Variants in ANKRD30BL observed in about 807,000 individuals in gnomAD.
ANKRD30BL encodes putative ankyrin repeat domain-containing protein 30B-like.
Under a neutral mutation model 18.4 loss-of-function variants are expected in ANKRD30BL, and 20 were observed. That is an observed-to-expected ratio of 1.09 (90% CI 0.77 to 1.58). The LOEUF (loss-of-function observed/expected upper bound fraction) is 1.58, where lower values mean the gene tolerates loss of function less well. Ranked by LOEUF, ANKRD30BL falls within the 40% of genes most tolerant of loss-of-function variation. ANKRD30BL has a pLI of 0.00. For missense variants in ANKRD30BL, 224 were observed against 268.6 expected (o/e 0.83, Z 1.16); for synonymous variants, 72 against 100.9 (o/e 0.71, Z 1.72).
Position 132,198,256 on chromosome 2 carries a change from CTTCTTTCTTTCT to C in ANKRD30BL, n.442-41122_442-41111del, listed in dbSNP as rs542446271. 3.1e-3 allele frequency among the ~76,000 whole-genome samples: 422 copies of C among 136,954 alleles called. 3 individuals are homozygous for C. The highest frequency in any genetic ancestry group is 0.012 in the African/African-American group (397 of 32,114). 89.8% of individuals were successfully genotyped at this position (136,954 alleles called of 152,430 possible). ...TTTTCTCTTTCATAATTTACTATAC[CTTCTTTCTTTCT>C]TTTCTTTCTTTCTTTCTTTCTTTCT... On this transcript the variant is annotated intron_variant and non_coding_transcript_variant, in intron 1 of 4. Transcript: ENST00000470729.
At chr2:132,176,209 C>T (rs1295827785) in intron 1 of ANKRD30BL, among the ~76,000 whole-genome samples, 1 of 151,806 alleles carries the variant, frequency 6.6e-6, no homozygotes, top group African/African-American at 2.4e-5. Context: ...GCCTGGCCAA[C>T]ATGGTGAAAC....
At chr2:132,169,822 A>G (rs1453633544) in intron 1 of ANKRD30BL, among the ~76,000 whole-genome samples, 1 of 152,022 alleles carries the variant, frequency 6.6e-6, no homozygotes, top group Non-Finnish European at 1.5e-5. Context: ...CTCCATTTTT[A>G]TATTATTGTT....
intron 1 of ANKRD30BL, among the ~76,000 whole-genome samples, chr2:132,236,921 T>C (rs879665937): frequency 6.6e-6 from 1 of 151,706 alleles, no homozygotes; most frequent in Non-Finnish European, 1.5e-5. Flanking sequence ...GTGGCACATA[T>C]ACACCATGGA....
At chr2:132,254,526 G>T (rs78984900) in intron 1 of ANKRD30BL, among the ~76,000 whole-genome samples, 2 of 152,300 alleles carry the variant, frequency 1.3e-5, no homozygotes, top group South Asian at 4.1e-4. Flanking sequence ...TGTACAAAGG[G>T]CAGGGACTTC....
chr2:132,212,668 G>T (rs1429330560), intron 1 of ANKRD30BL, among the ~76,000 whole-genome samples: 1 of 151,944 alleles, frequency 6.6e-6, no homozygotes, highest in Admixed American at 6.6e-5. Flanking sequence ...ATAATTCTGA[G>T]AAACTTCTTT....
At chr2:132,237,958 T>C (rs953286478) in intron 1 of ANKRD30BL, among the ~76,000 whole-genome samples, 4 of 151,906 alleles carry the variant, frequency 2.6e-5, no homozygotes, top group African/African-American at 9.7e-5. Context: ...AAAGGAAATA[T>C]CTTCACATAA....
chr2:132,232,373 G>A (rs542187507), intron 1 of ANKRD30BL, among the ~76,000 whole-genome samples: 52 of 152,230 alleles, frequency 3.4e-4, no homozygotes, highest in African/African-American at 1.2e-3. Context: ...GGCTTCAGAC[G>A]ATCAAATTAC....
chr2:132,196,024 C>T (rs1283439170), intron 1 of ANKRD30BL, among the ~76,000 whole-genome samples: 1 of 151,172 alleles, frequency 6.6e-6, no homozygotes, highest in Non-Finnish European at 1.5e-5. Context: ...CACCTGTAGT[C>T]CCAGCTATTC....
intron 1 of ANKRD30BL, among the ~76,000 whole-genome samples, chr2:132,206,985 C>T (rs970183334): frequency 3.3e-5 from 5 of 152,172 alleles, no homozygotes; most frequent in Non-Finnish European, 5.9e-5. Context: ...GTTTCCTCTT[C>T]CCTTCTTATG....
At position 132,171,081 on chromosome 2, in the gene ANKRD30BL, G is replaced by A. The variant is rs1688271490; in HGVS notation, n.442-13935C>T. 4.0e-5 allele frequency among the ~76,000 whole-genome samples: 6 copies of A among 151,616 alleles called. No individual in the cohort carries two copies. In the South Asian group the frequency reaches 6.2e-4, roughly 16 times the overall value. ...TGAGGCAGGAGAATGGCGTGAACCC[G>A]GAGGCGGAGCCTGCAGTGAGCCGAG... On this transcript the variant is annotated intron_variant and non_coding_transcript_variant, in intron 1 of 4. Transcript: ENST00000470729.
upstream of ANKRD30BL, among the ~76,000 whole-genome samples, chr2:132,162,176 C>G (rs572521452): frequency 1.3e-5 from 2 of 152,254 alleles, no homozygotes; most frequent in South Asian, 4.1e-4. Flanking sequence ...GAGCTGGGCC[C>G]TGGCGCTGGG....
chr2:132,220,270 ACT>A (rs1679636466), intron 1 of ANKRD30BL, among the ~76,000 whole-genome samples: 1 of 149,270 alleles, frequency 6.7e-6, no homozygotes, highest in Admixed American at 6.7e-5. Context: ...GGTTTGAAAC[ACT>A]GTTTTTGGCC....
chr2:132,186,688 C>G (rs1688565296), intron 1 of ANKRD30BL, among the ~76,000 whole-genome samples: 1 of 152,152 alleles, frequency 6.6e-6, no homozygotes, highest in Non-Finnish European at 1.5e-5. Flanking sequence ...GAACTAAACA[C>G]AGCTTTTATT....
intron 1 of ANKRD30BL, among the ~76,000 whole-genome samples, chr2:132,215,456 A>C (rs1334264973): frequency 6.6e-6 from 1 of 152,074 alleles, no homozygotes; most frequent in Non-Finnish European, 1.5e-5. Context: ...GTTCTGAAAA[A>C]CCCTTTTGGT....
intron 1 of ANKRD30BL, among the ~76,000 whole-genome samples, chr2:132,252,184 C>T (rs1680665507): frequency 6.6e-6 from 1 of 152,236 alleles, no homozygotes; most frequent in East Asian, 1.9e-4. Context: ...GATTGCCTAC[C>T]AGTTACAATT....
At chr2:132,164,263 C>CTTTTTTTTTTTT (rs1246177673), upstream of ANKRD30BL, among the ~76,000 whole-genome samples, 2 of 99,680 alleles carry the variant, frequency 2.0e-5, no homozygotes, top group African/African-American at 9.5e-5. Context: ...GTTTCTTTTT[C>CTTTTTTTTTTTT]TTTTTCTTTT....
chr2:132,237,341 C>G (rs372333420), intron 1 of ANKRD30BL, among the ~76,000 whole-genome samples: 1 of 151,920 alleles, frequency 6.6e-6, no homozygotes, highest in Non-Finnish European at 1.5e-5. Context: ...ACTCAACTCA[C>G]AGTTAAAACT....
At chr2:132,215,407 A>C (rs1162708782) in intron 1 of ANKRD30BL, among the ~76,000 whole-genome samples, 3 of 152,232 alleles carry the variant, frequency 2.0e-5, no homozygotes. Context: ...TGATATGTGC[A>C]TTCATCTCAC....
intron 1 of ANKRD30BL, among the ~76,000 whole-genome samples, chr2:132,254,147 G>C (rs532824795): frequency 1.3e-5 from 2 of 151,338 alleles, no homozygotes; most frequent in African/African-American, 4.9e-5. Flanking sequence ...CCCGCCCCAC[G>C]ACACGCACAC....
Sources: gnomAD v4.1 joint callset for allele counts (sites outside exome capture counted in the v4.1 genomes callset) on GRCh38, gnomAD v4.1.1 for gene constraint, MANE v1.5 for transcripts, NCBI Gene and HGNC (gene_info 2026-07-23, HGNC 2026-07-21) for gene names.